Variants in SLC25A24 observed in about 807,000 individuals in gnomAD.
SLC25A24 encodes solute carrier family 25 member 24.
A neutral mutation model predicts 60.7 loss-of-function variants in SLC25A24; 49 were observed. That is an observed-to-expected ratio of 0.81 (90% CI 0.64 to 1.02). The LOEUF (loss-of-function observed/expected upper bound fraction) is 1.02, where lower values mean the gene tolerates loss of function less well. SLC25A24 is among the 50% of genes least tolerant of loss of function. The pLI is 0.00. For synonymous variants in SLC25A24, 202 were observed against 200.6 expected, an observed-to-expected ratio of 1.01 and a Z score of -0.06; for missense variants, 564 against 586.3, an observed-to-expected ratio of 0.96 and a Z score of 0.39.
chr1:108,153,577 G>A (rs541982662), intron 6 of SLC25A24, among the ~76,000 whole-genome samples: 1 of 152,252 alleles, frequency 6.6e-6, no homozygotes, highest in South Asian at 2.1e-4. Flanking sequence ...AGAGAGCCCC[G>A]AGGGATGAAT....
At chr1:108,196,002 G>GAAAA (rs374038234) in intron 1 of SLC25A24, among the ~76,000 whole-genome samples, 2 of 106,210 alleles carry the variant, frequency 1.9e-5, no homozygotes, top group African/African-American at 6.1e-5. Context: ...TCTGTCTCCA[G>GAAAA]AAAAAAAAAA....
chr1:108,198,976 G>A lies in SLC25A24; in HGVS notation c.183+980C>T, dbSNP rs569900523. 5.3e-5 allele frequency: 8 copies of A among 152,302 alleles called. No individual in the cohort carries two copies. The East Asian group carries it at 9.6e-4, about 18-fold the overall frequency. 9.4% of individuals were successfully genotyped at this position (152,302 alleles called of 1,614,324 possible). A position where few individuals can be genotyped will look rare whatever the true frequency, so the allele number is the denominator to read the frequency against. Reference sequence around the variant, plus strand: ...ACAAAACTTTGGCAAGATTGAAGGGGAGAAAAGGATAGATATGAGGAATGA... The same window carrying A: ...ACAAAACTTTGGCAAGATTGAAGGGAAGAAAAGGATAGATATGAGGAATGA... On this transcript the variant is annotated intron_variant, in intron 1 of 9. Coordinates refer to ENST00000565488, the MANE Select transcript of SLC25A24 (RefSeq NM_013386.5).
chr1:108,141,740 T>C (rs1192960540), intron 8 of SLC25A24, among the ~76,000 whole-genome samples: 3 of 152,218 alleles, frequency 2.0e-5, no homozygotes, highest in Non-Finnish European at 4.4e-5. Context: ...GAAACTATGT[T>C]ACATGAAATA....
chr1:108,198,124 C>T (rs1273198529), intron 1 of SLC25A24, among the ~76,000 whole-genome samples: 1 of 152,152 alleles, frequency 6.6e-6, no homozygotes, highest in Non-Finnish European at 1.5e-5. Context: ...CCAGCAGATG[C>T]CAGCACCACG....
chr1:108,157,383 ACTT>A, intron 5 of SLC25A24, 76 bp downstream of exon 5: 1 of 1,447,974 alleles, frequency 6.9e-7, no homozygotes, highest in Non-Finnish European at 9.4e-7. Context: ...AAATTTTAAA[ACTT>A]CTTTTTCAAA....
chr1:108,187,035 C>T (rs902897685), intron 1 of SLC25A24, among the ~76,000 whole-genome samples: 20 of 150,552 alleles, frequency 1.3e-4, no homozygotes, highest in Middle Eastern at 6.8e-3. Context: ...CGAGATCGCA[C>T]CATTGCACAC....
In SLC25A24 at chr1:108,192,511, A is replaced by G. The variant is rs1648372636; in HGVS notation, c.184-6557T>C. 4 of 1,495,046 alleles carry G rather than the reference A, an allele frequency of 2.7e-6. 1 individual carries two copies. Among genetic ancestry groups the G allele is most frequent in the Admixed American group, 2.1e-5 (1 of 47,174 alleles). 92.6% of individuals were successfully genotyped at this position (1,495,046 alleles called of 1,614,324 possible). ...TGAGACCCACCTTCGCTTCCTCTAG[A>G]GATTGAATGGCCCCTACATCCTCCA... On this transcript the variant is annotated intron_variant, in intron 1 of 9. Transcript: ENST00000565488.
intron 6 of SLC25A24, among the ~76,000 whole-genome samples, chr1:108,152,956 T>C (rs1288576524): frequency 6.6e-6 from 1 of 152,208 alleles, no homozygotes; most frequent in Non-Finnish European, 1.5e-5. Context: ...AGGGTGTCTG[T>C]CTGTGTTGCT....
intron 1 of SLC25A24, among the ~76,000 whole-genome samples, chr1:108,196,058 T>C (rs182547141): frequency 6.6e-6 from 1 of 152,188 alleles, no homozygotes; most frequent in East Asian, 1.9e-4. Flanking sequence ...CCCTCTTTGT[T>C]AACAGAGGAA....
intron 6 of SLC25A24, among the ~76,000 whole-genome samples, chr1:108,150,607 G>C (rs772656473): frequency 2.0e-5 from 3 of 152,030 alleles, no homozygotes; most frequent in Non-Finnish European, 4.4e-5. Context: ...GAGGCCACCA[G>C]GCAGAATATC....
intron 3 of SLC25A24, among the ~76,000 whole-genome samples, chr1:108,168,763 C>T (rs1413404002): frequency 6.6e-6 from 1 of 152,166 alleles, no homozygotes; most frequent in African/African-American, 2.4e-5. Context: ...TATAAGCTGG[C>T]AAATACCTTC....
At chr1:108,189,059 A>T (rs985661269) in intron 1 of SLC25A24, among the ~76,000 whole-genome samples, 3 of 152,240 alleles carry the variant, frequency 2.0e-5, no homozygotes, top group African/African-American at 7.2e-5. Context: ...TCATCCTGAA[A>T]ACAAGATTTT....
At position 108,190,961 on chromosome 1, in the gene SLC25A24, A is replaced by G. The variant is rs529038772; in HGVS notation, c.184-5007T>C. Among the ~76,000 whole-genome samples the G allele has an allele frequency of 1.1e-4, 16 of 139,622 alleles. 1 individual carries two copies. Among genetic ancestry groups the G allele is most frequent in the African/African-American group, 4.0e-4 (16 of 40,300 alleles). The allele number at this position is 139,622 out of a possible 152,430, so 91.6% of individuals were successfully genotyped here. A position where few individuals can be genotyped will look rare whatever the true frequency, so the allele number is the denominator to read the frequency against. On this transcript the variant is annotated intron_variant, in intron 1 of 9. Coordinates refer to ENST00000565488, the MANE Select transcript of SLC25A24 (RefSeq NM_013386.5). ...ACAAAGCGTCCTTGCCAAAAATGCAAGACAGCTCTACAAACCTTTTGTTTC... is the reference window on the plus strand; with the variant it reads ...ACAAAGCGTCCTTGCCAAAAATGCAGGACAGCTCTACAAACCTTTTGTTTC...
chr1:108,159,605 C>T (rs1214649121), intron 4 of SLC25A24, among the ~76,000 whole-genome samples: 2 of 151,352 alleles, frequency 1.3e-5, no homozygotes, highest in African/African-American at 4.9e-5. Flanking sequence ...AGGCAGAGGA[C>T]CCTGCGGCCT....
intron 3 of SLC25A24, among the ~76,000 whole-genome samples, chr1:108,166,462 G>T (rs1303990146): frequency 3.3e-5 from 5 of 152,136 alleles, no homozygotes; most frequent in African/African-American, 4.8e-5. Flanking sequence ...TTTTCACATA[G>T]TCCCATATTT....
At chr1:108,154,862 G>A (rs978698018) in intron 6 of SLC25A24, 121 bp downstream of exon 6, 22 of 678,966 alleles carry the variant, frequency 3.2e-5, no homozygotes, top group Middle Eastern at 5.6e-4. Flanking sequence ...TCCTTATGGA[G>A]TATATGTGAA....
chr1:108,161,002 G>T (rs1370007649), intron 4 of SLC25A24, among the ~76,000 whole-genome samples, 180 bp downstream of exon 4: 2 of 150,606 alleles, frequency 1.3e-5, no homozygotes, highest in African/African-American at 4.9e-5. Context: ...AGGGAGAGCT[G>T]TTTTTTTTTG....
At chr1:108,169,431 C>A (rs545520497) in intron 3 of SLC25A24, among the ~76,000 whole-genome samples, 2 of 152,044 alleles carry the variant, frequency 1.3e-5, no homozygotes. Context: ...TTCTTTAAAG[C>A]CTTCTAACAA....
chr1:108,146,489 G>T (rs1233274010), intron 7 of SLC25A24, among the ~76,000 whole-genome samples: 2 of 152,134 alleles, frequency 1.3e-5, no homozygotes, highest in Admixed American at 1.3e-4. Context: ...TCCTTGTCTT[G>T]TGCCGGTTTT....
Sources: allele counts gnomAD v4.1 joint callset (sites outside exome capture counted in the v4.1 genomes callset), GRCh38; gene constraint gnomAD v4.1.1; transcripts MANE v1.5; gene names NCBI Gene and HGNC (gene_info 2026-07-23, HGNC 2026-07-21).